Variants in ILDR2 observed in about 807,000 individuals in gnomAD.
The protein encoded by ILDR2 is immunoglobulin like domain containing receptor 2, also known as immunoglobulin-like domain-containing receptor 2.
Under a neutral mutation model 66.8 loss-of-function variants are expected in ILDR2, and 25 were observed. The ratio of observed to expected loss-of-function variants is 0.37; its 90% CI spans 0.27 to 0.52. ILDR2 has a LOEUF of 0.52. ILDR2 is among the 20% of genes least tolerant of loss of function. The pLI, the probability that ILDR2 is intolerant of heterozygous loss-of-function variation, is 0.88. For synonymous variants in ILDR2, 367 were observed against 357.2 expected (o/e 1.03, Z -0.31); for missense variants, 827 against 876.8 (o/e 0.94, Z 0.72).
At chr1:166,939,471 A>G (rs766834425) in intron 4 of ILDR2, 43 bp downstream of exon 4, 3 of 1,527,572 alleles carry the variant, frequency 2.0e-6, no homozygotes, top group Non-Finnish European at 9.1e-7. Flanking sequence ...GACAGATGGA[A>G]TAACAGCAAA....
At chr1:166,905,181 A>AT (rs890928557), downstream of ILDR2, among the ~76,000 whole-genome samples, 2 of 151,654 alleles carry the variant, frequency 1.3e-5, no homozygotes, top group South Asian at 2.1e-4. Context: ...CTCAAAATCT[A>AT]TTTTTTTTCC....
chr1:166,939,667 G>A lies in ILDR2; in HGVS notation c.500-97C>T. On this transcript the variant is annotated intron_variant, in intron 3 of 9. Coordinates refer to ENST00000271417, the MANE Select transcript of ILDR2 (RefSeq NM_199351.3). ...CCAGTTGGTACCATCCACACGTGCGGCCATTAGTGCATGCTCTTTGTGATA... is the reference window on the plus strand; with the variant it reads ...CCAGTTGGTACCATCCACACGTGCGACCATTAGTGCATGCTCTTTGTGATA... 4.5e-6 allele frequency: 4 copies of A among 898,752 alleles called. No homozygotes were observed. In the South Asian group the frequency reaches 5.6e-5, roughly 13 times the overall value. 55.7% of individuals were successfully genotyped at this position (898,752 alleles called of 1,614,324 possible).
intron 9 of ILDR2, 21 bp downstream of exon 9, chr1:166,920,686 G>A: frequency 1.5e-6 from 2 of 1,369,376 alleles, no homozygotes; most frequent in Non-Finnish European, 1.9e-6. Flanking sequence ...CTCGGAGGAG[G>A]GGAGGCAGAC....
At position 166,909,781 on chromosome 1, in the gene ILDR2, T is replaced by TATATATATATATATAAATATATATATATA; in HGVS notation, c.*9573_*9574insTATATATATATATTTATATATATATATAT. 1 of 64,242 alleles carries TATATATATATATATAAATATATATATATA rather than the reference T, an allele frequency of 1.6e-5. No homozygotes were observed. Among genetic ancestry groups the TATATATATATATATAAATATATATATATA allele is most frequent in the East Asian group, 5.0e-4 (1 of 1,994 alleles). The allele number at this position is 64,242 out of a possible 1,614,324, so 4.0% of individuals were successfully genotyped here. ...TATAAATATATATAAATATATATAT[T>TATATATATATATATAAATATATATATATA]TATATATATATATATATATATATAT... On this transcript the variant is annotated 3_prime_UTR_variant, in exon 10 of 10. Coordinates refer to ENST00000271417, the MANE Select transcript of ILDR2 (RefSeq NM_199351.3).
At chr1:166,906,491 A>C (rs1358821066), downstream of ILDR2, among the ~76,000 whole-genome samples, 1 of 152,220 alleles carries the variant, frequency 6.6e-6, no homozygotes, top group African/African-American at 2.4e-5. Context: ...GTATAGAACA[A>C]CACAGTGTAG....
chr1:166,954,837 A>G lies in ILDR2; in HGVS notation c.499+1896T>C, dbSNP rs141203391. Among the ~76,000 whole-genome samples the G allele has an allele frequency of 3.2e-3, 491 of 152,268 alleles. 3 individuals are homozygous for G. Among genetic ancestry groups the G allele is most frequent in the African/African-American group, 0.011 (451 of 41,544 alleles). Reference sequence around the variant, plus strand: ...AGAGGAATGCCCTTCATATACTTCAACACATCCTCAGATGACAAAGCTTTC... The same window carrying G: ...AGAGGAATGCCCTTCATATACTTCAGCACATCCTCAGATGACAAAGCTTTC... On this transcript the variant is annotated intron_variant, in intron 3 of 9. Coordinates refer to ENST00000271417, the MANE Select transcript of ILDR2 (RefSeq NM_199351.3).
rs925679789 is a variant in ILDR2, at chr1:166,936,540, G to C, written c.703+51C>G. The C allele has an allele frequency of 5.0e-6, 8 of 1,612,398 alleles. No homozygotes were observed. In the Admixed American group the frequency reaches 6.7e-5, roughly 13 times the overall value. Reference sequence around the variant, plus strand: ...AGCGCACACAGCTGTCAGGTAGAGAGGTAGACATTTCTCTCGATCGCTCTG... The same window carrying C: ...AGCGCACACAGCTGTCAGGTAGAGACGTAGACATTTCTCTCGATCGCTCTG... On this transcript the variant is annotated intron_variant, in intron 5 of 9. Transcript: ENST00000271417. This position sits in a 1 kb window ranked among gnomAD's most constrained non-coding sequence, Gnocchi z 5.0.
intron 4 of ILDR2, among the ~76,000 whole-genome samples, chr1:166,939,183 T>C (rs1454967702): frequency 1.3e-5 from 2 of 152,170 alleles, no homozygotes; most frequent in African/African-American, 4.8e-5. Flanking sequence ...GGCAGATAAA[T>C]ACTGATTCTA....
At chr1:166,902,217 C>T (rs1472475130) in intron 2 of ILDR2, among the ~76,000 whole-genome samples, 2 of 152,328 alleles carry the variant, frequency 1.3e-5, no homozygotes, top group Non-Finnish European at 2.9e-5. Flanking sequence ...TCCTGGACCT[C>T]CTCTGTCTGC....
Position 166,920,705 on chromosome 1 carries a change from A to G in ILDR2, c.1884+2T>C. ...GAGGAGGGGAGGCAGACGCAGTCTC[A>G]CGGTTTTCTTGGCGGGCTCCTTTTT... On this transcript the variant is annotated splice_donor_variant, in intron 9 of 9. Transcript: ENST00000271417. LOFTEE classifies it high-confidence loss of function. 1 of 1,401,284 alleles carries G rather than the reference A, an allele frequency of 7.1e-7. No individual in the cohort carries two copies. Among genetic ancestry groups the G allele is most frequent in the South Asian group, 1.7e-5 (1 of 59,144 alleles). The allele number at this position is 1,401,284 out of a possible 1,614,324, so 86.8% of individuals were successfully genotyped here. A position where few individuals can be genotyped will look rare whatever the true frequency, so the allele number is the denominator to read the frequency against.
downstream of ILDR2, among the ~76,000 whole-genome samples, chr1:166,906,485 A>G (rs1659352218): frequency 6.6e-6 from 1 of 152,232 alleles, no homozygotes; most frequent in Non-Finnish European, 1.5e-5. Flanking sequence ...ACAGAGGTAT[A>G]GAACAACACA....
At chr1:166,905,326 A>G (rs72705596), downstream of ILDR2, among the ~76,000 whole-genome samples, 2,226 of 152,294 alleles carry the variant, frequency 0.015, 20 homozygotes, top group African/African-American at 0.025. Context: ...CCATTAAATC[A>G]TTTAATACCA....
At position 166,909,168 on chromosome 1, in the gene ILDR2, T is replaced by C. The variant is rs1352218610; in HGVS notation, c.*10187A>G. The stretch of plus-strand genomic sequence containing the variant: ...ATGACTCAATATGAGTTGACTGCAG[T>C]CTTTCTCCAGGATTGTTCTCATGAG... On this transcript the variant is annotated 3_prime_UTR_variant, in exon 10 of 10. Transcript: ENST00000271417. The C allele has an allele frequency of 6.6e-6, 1 of 152,208 alleles. No individual in the cohort carries two copies. The highest frequency in any genetic ancestry group is 1.5e-5 in the Non-Finnish European group (1 of 68,054). 9.4% of individuals were successfully genotyped at this position (152,208 alleles called of 1,614,324 possible).
At chr1:166,898,754 T>C (rs1659212698) in intron 2 of ILDR2, among the ~76,000 whole-genome samples, 2 of 152,182 alleles carry the variant, frequency 1.3e-5, no homozygotes, top group East Asian at 1.9e-4. Context: ...GTACTTAGTG[T>C]TAAGGAAACA....
intron 3 of ILDR2, among the ~76,000 whole-genome samples, chr1:166,945,183 G>A (rs777971039): frequency 6.6e-6 from 1 of 151,952 alleles, no homozygotes; most frequent in Non-Finnish European, 1.5e-5. Context: ...CTGAACTCAG[G>A]GAAGAATGCC....
At chr1:166,904,307 C>G (rs1025560245), downstream of ILDR2, among the ~76,000 whole-genome samples, 2 of 152,208 alleles carry the variant, frequency 1.3e-5, no homozygotes, top group African/African-American at 4.8e-5. Context: ...CTATAGATCT[C>G]TCTTGGGTGT....
chr1:166,940,146 G>A (rs1205239838), intron 3 of ILDR2, among the ~76,000 whole-genome samples: 1 of 152,172 alleles, frequency 6.6e-6, no homozygotes, highest in East Asian at 1.9e-4. Flanking sequence ...GAAATACACT[G>A]TACATATGTA....
chr1:166,909,837 G>A lies in ILDR2; in HGVS notation c.*9518C>T, dbSNP rs919414309. On this transcript the variant is annotated 3_prime_UTR_variant, in exon 10 of 10. Coordinates refer to ENST00000271417, the MANE Select transcript of ILDR2 (RefSeq NM_199351.3). Reference sequence around the variant, plus strand: ...TAGCTTTGCTCTACTGGACATTAACGTCTCAGAGAAAGAAAAAGAGCCAGA... The same window carrying A: ...TAGCTTTGCTCTACTGGACATTAACATCTCAGAGAAAGAAAAAGAGCCAGA... 2 of 133,842 alleles carry A rather than the reference G, an allele frequency of 1.5e-5. No individual in the cohort carries two copies. Among genetic ancestry groups the A allele is most frequent in the Admixed American group, 7.8e-5 (1 of 12,804 alleles). 8.3% of individuals were successfully genotyped at this position (133,842 alleles called of 1,614,324 possible).
At chr1:166,970,326 G>A (rs1332544352) in intron 1 of ILDR2, among the ~76,000 whole-genome samples, 1 of 152,016 alleles carries the variant, frequency 6.6e-6, no homozygotes, top group Non-Finnish European at 1.5e-5. Flanking sequence ...GTTTGAGAAA[G>A]TCTGAAAAAA....
Sources: gnomAD v4.1 joint callset for allele counts (sites outside exome capture counted in the v4.1 genomes callset) on GRCh38, gnomAD v4.1.1 for gene constraint, Gnocchi (gnomAD v3.1) non-coding constraint, MANE v1.5 for transcripts, NCBI Gene and HGNC (gene_info 2026-07-23, HGNC 2026-07-21) for gene names.